NOTCH2NLA: variants seen among roughly 807,000 people sequenced by gnomAD.
NOTCH2NLA encodes notch 2 N-terminal like A, also known as notch homolog 2 N-terminal-like protein A.
rs1490779370 is a variant in NOTCH2NLA at position 146,223,981 on chromosome 1, A to T, written c.-45+4728T>A. Among the ~76,000 whole-genome samples, 96 of 141,668 alleles carry T rather than the reference A, an allele frequency of 6.8e-4. 1 individual carries two copies. Among genetic ancestry groups the T allele is most frequent in the Non-Finnish European group, 3.9e-4 (25 of 64,340 alleles). 92.9% of individuals were successfully genotyped at this position (141,668 alleles called of 152,430 possible). A position where few individuals can be genotyped will look rare whatever the true frequency, so the allele number is the denominator to read the frequency against. Reference sequence around the variant, plus strand: ...CAGAGAAGAAATGTGTGTAGCACAGACCTGGCCCTCAAGGATCAAAATCAT... The same window carrying T: ...CAGAGAAGAAATGTGTGTAGCACAGTCCTGGCCCTCAAGGATCAAAATCAT... On this transcript the variant is annotated intron_variant, in intron 1 of 4. Transcript: ENST00000362074.
Position 146,194,832 on chromosome 1 carries a change from C to G in NOTCH2NLA, c.-44-5451G>C, listed in dbSNP as rs587691699. 4.6e-5 allele frequency among the ~76,000 whole-genome samples: 5 copies of G among 108,520 alleles called. 2 individuals are homozygous for G. In the East Asian group the frequency reaches 1.7e-3, roughly 38 times the overall value. 71.2% of individuals were successfully genotyped at this position (108,520 alleles called of 152,430 possible). ...CTTACGTGCCCAGTATTACTCCCCA[C>G]CACTTCCACTGCATTCTCTGCCCAG... On this transcript the variant is annotated intron_variant, in intron 1 of 4. Coordinates refer to ENST00000362074, the Ensembl canonical transcript of NOTCH2NLA.
In NOTCH2NLA at chr1:146,180,381, TC is replaced by T. The variant is rs1249205573; in HGVS notation, c.38+8918del. Among the ~76,000 whole-genome samples, 5 of 142,220 alleles carry T rather than the reference TC, an allele frequency of 3.5e-5. 1 individual carries two copies. The highest frequency in any genetic ancestry group is 8.0e-5 in the Non-Finnish European group (5 of 62,266). 93.3% of individuals were successfully genotyped at this position (142,220 alleles called of 152,430 possible). On this transcript the variant is annotated intron_variant, in intron 2 of 4. Coordinates refer to ENST00000362074, the Ensembl canonical transcript of NOTCH2NLA. ...CTTAGTCTTTATTTTCACTTTTCTT[TC>T]ATAAAACTCTTTTCATAAAGATCAA...
intron 1 of NOTCH2NLA, among the ~76,000 whole-genome samples, chr1:146,219,753 A>G (rs1571344130): frequency 1.2e-5 from 1 of 86,902 alleles, no homozygotes; most frequent in Non-Finnish European, 2.1e-5. Flanking sequence ...ATAGTATATT[A>G]TGTGTGTGTG....
chr1:146,159,445 AAGAG>A (rs67159131), intron 3 of NOTCH2NLA, among the ~76,000 whole-genome samples: 1 of 139,718 alleles, frequency 7.2e-6, no homozygotes, highest in Non-Finnish European at 1.6e-5. Context: ...GAAAGAAAGA[AAGAG>A]AAAGAAAGAA....
chr1:146,162,204 A>G (rs1661543697), intron 3 of NOTCH2NLA, among the ~76,000 whole-genome samples: 1 of 142,514 alleles, frequency 7.0e-6, no homozygotes, highest in Non-Finnish European at 1.5e-5. Context: ...TTGACTTCAC[A>G]TCAGCATTTA....
At chr1:146,194,879 A>G (rs1166703567) in intron 1 of NOTCH2NLA, among the ~76,000 whole-genome samples, 1 of 112,252 alleles carries the variant, frequency 8.9e-6, no homozygotes, top group Admixed American at 9.1e-5. Flanking sequence ...TTTCCTGAAT[A>G]GATCGTCATT....
intron 2 of NOTCH2NLA, among the ~76,000 whole-genome samples, chr1:146,171,157 C>T (rs2691757): frequency 4.0e-5 from 5 of 125,572 alleles, no homozygotes; most frequent in African/African-American, 1.0e-4. Context: ...CTAGGCCAGG[C>T]GCGGTGGCTC....
chr1:146,188,089 C>T (rs1238269263), intron 2 of NOTCH2NLA, among the ~76,000 whole-genome samples: 4 of 126,104 alleles, frequency 3.2e-5, no homozygotes, highest in Non-Finnish European at 1.8e-5. Flanking sequence ...GTTGTAATTA[C>T]ATTCCTGGTA....
chr1:146,180,322 G>A (rs587695800), intron 2 of NOTCH2NLA, among the ~76,000 whole-genome samples: 7 of 142,746 alleles, frequency 4.9e-5, no homozygotes, highest in Admixed American at 4.3e-4. Context: ...TGTGTTCACT[G>A]AATAATATCA....
In NOTCH2NLA at chr1:146,187,913, A is replaced by G. The variant is rs1412352628; in HGVS notation, c.38+1387T>C. ...TAAGCTACATAAAACCTTTATTTCC[A>G]ATGTTATCTTTATTCCAATCCAAAC... On this transcript the variant is annotated intron_variant, in intron 2 of 4. Transcript: ENST00000362074. Among the ~76,000 whole-genome samples, 2 of 136,368 alleles carry G rather than the reference A, an allele frequency of 1.5e-5. 1 individual carries two copies. Among genetic ancestry groups the G allele is most frequent in the Non-Finnish European group, 3.4e-5 (2 of 58,876 alleles). The allele number at this position is 136,368 out of a possible 152,430, so 89.5% of individuals were successfully genotyped here.
intron 2 of NOTCH2NLA, among the ~76,000 whole-genome samples, chr1:146,177,958 A>C (rs1662345666): frequency 1.5e-5 from 2 of 130,386 alleles, no homozygotes; most frequent in African/African-American, 5.1e-5. Flanking sequence ...AATATCCCTC[A>C]CAGTGCCCAT....
chr1:146,174,781 C>T (rs1571290935), intron 2 of NOTCH2NLA, among the ~76,000 whole-genome samples: 1 of 141,660 alleles, frequency 7.1e-6, no homozygotes, highest in African/African-American at 2.4e-5. Context: ...GGGGAGCTGT[C>T]GTTAAGGTAA....
intron 1 of NOTCH2NLA, among the ~76,000 whole-genome samples, chr1:146,194,614 A>C: frequency 2.7e-5 from 1 of 36,388 alleles, no homozygotes; most frequent in Non-Finnish European, 5.0e-5. Context: ...ACTACTTTCT[A>C]ACCTACAATG....
Position 146,228,989 on chromosome 1 carries a change from C to A in NOTCH2NLA, c.-325G>T, listed in dbSNP as rs1163914424. ...GCTCCTCGGCCGCCGCCTCAGCCGCCGCCCGAAGTTTGGCTGAAACTTTCT... is the reference window on the plus strand; with the variant it reads ...GCTCCTCGGCCGCCGCCTCAGCCGCAGCCCGAAGTTTGGCTGAAACTTTCT... On this transcript the variant is annotated 5_prime_UTR_variant, in exon 1 of 5. Transcript: ENST00000362074. The A allele has an allele frequency of 7.9e-6, 11 of 1,399,642 alleles. No individual in the cohort carries two copies. In the Admixed American group the frequency reaches 9.1e-5, roughly 12 times the overall value. The allele number at this position is 1,399,642 out of a possible 1,614,324, so 86.7% of individuals were successfully genotyped here.
At chr1:146,182,525 C>T (rs1297447523) in intron 2 of NOTCH2NLA, among the ~76,000 whole-genome samples, 6 of 120,300 alleles carry the variant, frequency 5.0e-5, no homozygotes, top group Non-Finnish European at 7.9e-5. Flanking sequence ...AATCAGGACT[C>T]AAACTTAAGT....
chr1:146,180,526 G>A (rs1397031295), intron 2 of NOTCH2NLA, among the ~76,000 whole-genome samples: 1 of 142,844 alleles, frequency 7.0e-6, no homozygotes, highest in African/African-American at 2.4e-5. Flanking sequence ...AGAGGACTAA[G>A]TGCTAGTGAA....
chr1:146,174,632 T>C (rs868965362), intron 2 of NOTCH2NLA, among the ~76,000 whole-genome samples: 28 of 142,724 alleles, frequency 2.0e-4, no homozygotes, highest in Admixed American at 1.4e-4. Flanking sequence ...TCATTAAAGC[T>C]CCTCTTTACT....
In NOTCH2NLA at chr1:146,228,913, C is replaced by T. The variant is rs781929467; in HGVS notation, c.-249G>A. The T allele has an allele frequency of 1.7e-4, 249 of 1,467,796 alleles. 6 individuals carry two copies. Among genetic ancestry groups the T allele is most frequent in the Non-Finnish European group, 2.1e-4 (240 of 1,118,622 alleles). 90.9% of individuals were successfully genotyped at this position (1,467,796 alleles called of 1,614,324 possible). ...TTCAAAGGCTCAGGCCCTGGCGCTA[C>T]GCTCCGAAGCCCAGCGCAAATGCCT... is the stretch of plus-strand genomic sequence containing the variant. On this transcript the variant is annotated 5_prime_UTR_variant, in exon 1 of 5. Coordinates refer to ENST00000362074, the Ensembl canonical transcript of NOTCH2NLA.
At chr1:146,178,248 G>A (rs1346050581) in intron 2 of NOTCH2NLA, among the ~76,000 whole-genome samples, 1 of 127,880 alleles carries the variant, frequency 7.8e-6, no homozygotes, top group Admixed American at 8.5e-5. Context: ...GATGGAATCT[G>A]ACCTGCTGAT....
Sources: gnomAD v4.1 joint callset for allele counts (sites outside exome capture counted in the v4.1 genomes callset) on GRCh38, gnomAD v4.1.1 for gene constraint, MANE v1.5 for transcripts, NCBI Gene and HGNC (gene_info 2026-07-23, HGNC 2026-07-21) for gene names.